The following NOXA1 variants were observed in gnomAD, a reference collection of about 807,000 sequenced individuals.
NOXA1 encodes the protein NCF2-like protein.
In NOXA1, 56 loss-of-function variants were observed where a neutral mutation model predicts 64.8. The ratio of observed to expected loss-of-function variants is 0.86; its 90% CI spans 0.70 to 1.08. The LOEUF (loss-of-function observed/expected upper bound fraction) is 1.08. Ranked by LOEUF, NOXA1 falls within the 50% of genes least tolerant of loss-of-function variation. The pLI is 0.00. For synonymous variants in NOXA1, 295 were observed against 294.8 expected (o/e 1.00, Z -0.01); for missense variants, 668 against 658.5 (o/e 1.01, Z -0.16).
At chr9:137,429,517 C>T in intron 5 of NOXA1, 134 bp downstream of exon 5, 3 of 645,260 alleles carry the variant, frequency 4.6e-6, no homozygotes, top group Non-Finnish European at 7.8e-6. Flanking sequence ...CACAGCCATC[C>T]TCAAACTGGC....
chr9:137,434,345 G>A lies in NOXA1; in HGVS notation c.1416G>A (p.Gln472=). 2.5e-6 allele frequency: 4 copies of A among 1,601,232 alleles called. No individual in the cohort carries two copies. The highest frequency in any genetic ancestry group is 2.6e-6 in the Non-Finnish European group (3 of 1,174,956). The part of the protein sequence containing the change: ...GAPGRLPRSQ[Q]GDQP ...CCGGCCGCCTGCCCCGATCCCAGCA[G>A]GGAGATCAGCCCTAATGATGCTGTG... Residue 472 remains glutamine (Q), a synonymous_variant, in exon 14 of 14, where the codon CAG becomes CAA. Coordinates refer to ENST00000683555, the MANE Select transcript of NOXA1 (RefSeq NM_001256067.2).
intron 1 of NOXA1, 86 bp downstream of exon 1, chr9:137,423,792 C>T: frequency 8.2e-6 from 9 of 1,093,680 alleles, no homozygotes; most frequent in African/African-American, 1.6e-5. Context: ...CCGACCGTCA[C>T]GGGGTCGCCC....
At chr9:137,432,236 T>C (rs553944848) in intron 8 of NOXA1, among the ~76,000 whole-genome samples, 1 of 138,138 alleles carries the variant, frequency 7.2e-6, no homozygotes, top group Middle Eastern at 3.9e-3. Flanking sequence ...GCCATGACAG[T>C]GCCACTCCAC....
At chr9:137,432,998 C>A in intron 8 of NOXA1, 31 bp from the exon 9 acceptor site, 2 of 1,611,566 alleles carry the variant, frequency 1.2e-6, no homozygotes, top group Non-Finnish European at 1.7e-6. Flanking sequence ...CCTGACCGCC[C>A]CAGCCCACCC....
intron 8 of NOXA1, among the ~76,000 whole-genome samples, chr9:137,432,170 C>T (rs866050593): frequency 4.7e-5 from 7 of 149,836 alleles, no homozygotes; most frequent in East Asian, 4.1e-4. Context: ...ATCCCAGCAC[C>T]GTGGGAGGCT....
chr9:137,434,111 C>A (rs1839254794), intron 13 of NOXA1, 32 bp downstream of exon 13: 1 of 1,583,408 alleles, frequency 6.3e-7, no homozygotes. Flanking sequence ...CCAGGCAGCA[C>A]CGTGGTGCCC....
intron 5 of NOXA1, among the ~76,000 whole-genome samples, chr9:137,429,992 CCCT>C (rs1839027764): frequency 8.0e-6 from 1 of 124,860 alleles, no homozygotes; most frequent in African/African-American, 3.3e-5. Flanking sequence ...GTGCCTGTGT[CCCT>C]GCCACAGGTA....
chr9:137,425,511 G>A (rs1163565665), intron 1 of NOXA1, among the ~76,000 whole-genome samples: 5 of 151,922 alleles, frequency 3.3e-5, no homozygotes, highest in African/African-American at 9.7e-5. Context: ...TCAACCTCCC[G>A]AGTAGCTGGG....
At chr9:137,425,129 T>C (rs1194498483) in intron 1 of NOXA1, among the ~76,000 whole-genome samples, 2 of 152,194 alleles carry the variant, frequency 1.3e-5, no homozygotes, top group African/African-American at 4.8e-5. Context: ...CCGCCACACT[T>C]CACACCTGTG....
intron 1 of NOXA1, among the ~76,000 whole-genome samples, chr9:137,425,040 C>T (rs746234510): frequency 3.3e-5 from 5 of 152,326 alleles, no homozygotes; most frequent in Non-Finnish European, 5.9e-5. Flanking sequence ...AGGAGCCTTG[C>T]GTGACGTTTG....
At chr9:137,429,770 GGGGGGGTCCCT>G (rs1372417969) in intron 5 of NOXA1, among the ~76,000 whole-genome samples, 1 of 136,492 alleles carries the variant, frequency 7.3e-6, no homozygotes, top group Non-Finnish European at 1.6e-5. Context: ...GCGAGGTCCC[GGGGGGGTCCCT>G]GCGTCCCTGC....
chr9:137,428,083 G>T lies in NOXA1; in HGVS notation c.311G>T (p.Gly104Val). The T allele has an allele frequency of 6.3e-7, 1 of 1,587,436 alleles. No homozygotes were observed. The highest frequency in any genetic ancestry group is 8.6e-7 in the Non-Finnish European group (1 of 1,168,538). ...TGGCTGGCCCTGGAGCAGCTGAGGG[G>T]CCACGCTGCCATCGACTACACGCAG... The part of the protein sequence containing the change: ...DFWLALEQLR[G>V]HAAIDYTQLG... Residue 104 changes from glycine to valine, a missense_variant, in exon 3 of 14, where the codon GGC (glycine) becomes GTC (valine). Transcript: ENST00000683555.
At chr9:137,432,939 G>GGTGT in intron 8 of NOXA1, 90 bp from the exon 9 acceptor site, 1 of 1,443,064 alleles carries the variant, frequency 6.9e-7, no homozygotes, top group Non-Finnish European at 9.6e-7. Context: ...CGGGCACACA[G>GGTGT]GCCACACCCT....
intron 2 of NOXA1, among the ~76,000 whole-genome samples, chr9:137,427,251 A>G (rs11534414): frequency 0.31 from 47,793 of 152,188 alleles, 7,805 homozygotes; most frequent in East Asian, 0.61. Context: ...AACTACGAGC[A>G]GATGAACAGT....
At position 137,431,043 on chromosome 9, in the gene NOXA1, A is replaced by T; in HGVS notation, c.673-32A>T. ...GAGGGAGGGCGGCCCCCGACCCTTAACCAGAGCGAGGTTGTTGCTTTGTGT... is the reference window on the plus strand; with the variant it reads ...GAGGGAGGGCGGCCCCCGACCCTTATCCAGAGCGAGGTTGTTGCTTTGTGT... On this transcript the variant is annotated intron_variant, in intron 6 of 13. Coordinates refer to ENST00000683555, the MANE Select transcript of NOXA1 (RefSeq NM_001256067.2). The surrounding 1 kb of genome is among the most constrained non-coding windows in gnomAD (Gnocchi z 5.6). The T allele has an allele frequency of 6.2e-7, 1 of 1,613,166 alleles. No homozygotes were observed. Among genetic ancestry groups the T allele is most frequent in the Non-Finnish European group, 8.5e-7 (1 of 1,179,968 alleles).
intron 2 of NOXA1, among the ~76,000 whole-genome samples, chr9:137,426,651 C>A (rs902640944): frequency 7.9e-5 from 12 of 152,122 alleles, no homozygotes; most frequent in African/African-American, 2.9e-4. Context: ...CACTCACAGG[C>A]CCCATCCCAG....
rs868139151 is a variant in NOXA1, at chr9:137,434,208, G to A, written c.1295-16G>A. ...GCCTGGGTAACGCCCTGCAGAGCCC[G>A]ATGTCCCCCTTGCAGTGGACCAGGC... On this transcript the variant is annotated splice_polypyrimidine_tract_variant and intron_variant, in intron 13 of 13. Coordinates refer to ENST00000683555, the MANE Select transcript of NOXA1 (RefSeq NM_001256067.2). 1.6e-5 allele frequency: 26 copies of A among 1,603,124 alleles called. No individual in the cohort carries two copies. The highest frequency in any genetic ancestry group is 1.7e-4 in the Middle Eastern group (1 of 6,044).
At chr9:137,426,187 T>G in intron 1 of NOXA1, 61 bp from the exon 2 acceptor site, 1 of 1,433,740 alleles carries the variant, frequency 7.0e-7, no homozygotes, top group Non-Finnish European at 9.8e-7. Context: ...TCACGCTGTA[T>G]CTGTGATGCT....
At chr9:137,434,135 CT>C in intron 13 of NOXA1, 56 bp downstream of exon 13, 1 of 1,581,176 alleles carries the variant, frequency 6.3e-7, no homozygotes, top group Non-Finnish European at 8.6e-7. Flanking sequence ...GTGTGGGGGG[CT>C]TAGAGCTCGG....
Sources: gnomAD v4.1 joint callset for allele counts (sites outside exome capture counted in the v4.1 genomes callset) on GRCh38, gnomAD v4.1.1 for gene constraint, Gnocchi (gnomAD v3.1) non-coding constraint, MANE v1.5 for transcripts, NCBI Gene and HGNC (gene_info 2026-07-23, HGNC 2026-07-21) for gene names.